The following SLC5A3 variants were observed in gnomAD, a reference collection of about 807,000 sequenced individuals.
The protein encoded by SLC5A3 is solute carrier family 5 member 3.
SLC5A3 carries 10 observed loss-of-function variants against 43.2 expected under a neutral mutation model. The ratio of observed to expected loss-of-function variants is 0.23; its 90% CI spans 0.14 to 0.39. SLC5A3 has a LOEUF of 0.39. Among genes scored for constraint, SLC5A3 ranks in the 10% least tolerant of loss-of-function variants. SLC5A3 has a pLI of 1.00. For synonymous variants in SLC5A3, 349 were observed against 322.0 expected, an observed-to-expected ratio of 1.08 and a Z score of -0.90; for missense variants, 608 against 893.4, an observed-to-expected ratio of 0.68 and a Z score of 4.07.
intron 1 of SLC5A3, among the ~76,000 whole-genome samples, chr21:34,084,701 G>A (rs949199089): frequency 3.3e-5 from 5 of 152,106 alleles, no homozygotes; most frequent in Admixed American, 2.0e-4. Flanking sequence ...CATACGTAAT[G>A]GTAAATACAG....
In SLC5A3 at chr21:34,103,221, C is replaced by T; in HGVS notation, c.*5866C>T. 5.0e-6 allele frequency: 5 copies of T among 999,240 alleles called. No homozygotes were observed. Among genetic ancestry groups the T allele is most frequent in the Non-Finnish European group, 6.0e-6 (5 of 829,786 alleles). The allele number at this position is 999,240 out of a possible 1,614,324, so 61.9% of individuals were successfully genotyped here. ...GTTTGGATTAGTGCCTTCTGGTTAC[C>T]AGTATTGACTCTGCTAGTTTGCACC... On this transcript the variant is annotated 3_prime_UTR_variant, in exon 2 of 2. Transcript: ENST00000381151.
chr21:34,075,893 A>T (rs559409895), intron 1 of SLC5A3, among the ~76,000 whole-genome samples: 1 of 152,238 alleles, frequency 6.6e-6, no homozygotes, highest in Non-Finnish European at 1.5e-5. Context: ...GAAATGAAAA[A>T]TGCGACTGTG....
Position 34,099,347 on chromosome 21 carries a change from T to C in SLC5A3, c.*1992T>C, listed in dbSNP as rs1181672886. The C allele has an allele frequency of 2.0e-6, 2 of 1,000,142 alleles. No individual in the cohort carries two copies. The highest frequency in any genetic ancestry group is 1.7e-5 in the African/African-American group (1 of 57,230). 62.0% of individuals were successfully genotyped at this position (1,000,142 alleles called of 1,614,324 possible). On this transcript the variant is annotated 3_prime_UTR_variant, in exon 2 of 2. Transcript: ENST00000381151. ...AACCAGGTCTCCAAATCTGGACTCATGGTTTGTTCAGATGTGTCTGGACAA... is the reference window on the plus strand; with the variant it reads ...AACCAGGTCTCCAAATCTGGACTCACGGTTTGTTCAGATGTGTCTGGACAA...
At position 34,102,340 on chromosome 21, in the gene SLC5A3, A is replaced by C. The variant is rs1979278066; in HGVS notation, c.*4985A>C. 7 of 999,384 alleles carry C rather than the reference A, an allele frequency of 7.0e-6. No homozygotes were observed. The highest frequency in any genetic ancestry group is 7.2e-6 in the Non-Finnish European group (6 of 829,332). 61.9% of individuals were successfully genotyped at this position (999,384 alleles called of 1,614,324 possible). A position where few individuals can be genotyped will look rare whatever the true frequency, so the allele number is the denominator to read the frequency against. ...GAATAAGGCTTTAAATTACTGATTC[A>C]CCTTTAAAGGAATGTTGTGAGAATT... On this transcript the variant is annotated 3_prime_UTR_variant, in exon 2 of 2. Coordinates refer to ENST00000381151, the MANE Select transcript of SLC5A3 (RefSeq NM_006933.7).
chr21:34,085,143 C>G (rs1175660222), intron 1 of SLC5A3, among the ~76,000 whole-genome samples: 1 of 152,170 alleles, frequency 6.6e-6, no homozygotes, highest in East Asian at 1.9e-4. Context: ...CATATATTTA[C>G]TTGTTTAGTC....
At chr21:34,082,545 C>CA (rs1291408264) in intron 1 of SLC5A3, among the ~76,000 whole-genome samples, 1 of 151,564 alleles carries the variant, frequency 6.6e-6, no homozygotes, top group East Asian at 1.9e-4. Flanking sequence ...TTTTTTTGCT[C>CA]AGAGTGTATC....
Position 34,096,946 on chromosome 21 carries a change from A to G in SLC5A3, c.1748A>G (p.Asn583Ser). 2.5e-6 allele frequency: 4 copies of G among 1,614,136 alleles called. No homozygotes were observed. Among genetic ancestry groups the G allele is most frequent in the Non-Finnish European group, 3.4e-6 (4 of 1,179,988 alleles). Reference sequence around the variant, plus strand: ...TGCAGTGAGAATAATGAGACCATCAACCACATCATTCCCAACGGGAAATCT... The same window carrying G: ...TGCAGTGAGAATAATGAGACCATCAGCCACATCATTCCCAACGGGAAATCT... The part of the protein sequence containing the change: ...LRCSENNETI[N>S]HIIPNGKSED... Residue 583 changes from asparagine (N) to serine (S), a missense_variant, in exon 2 of 2, where the codon AAC (asparagine) becomes AGC (serine). Physicochemically the swap from Asn to Ser is conservative, Grantham distance 46. Around this residue, in one of 2 missense-constraint regions of SLC5A3, gnomAD observed 210 missense variants for 224.8 expected, o/e 0.93. Transcript: ENST00000381151. The surrounding 1 kb of genome is among the most constrained non-coding windows in gnomAD (Gnocchi z 5.9).
chr21:34,077,456 T>C lies in SLC5A3; in HGVS notation c.-337+3711T>C, dbSNP rs144779371. ...TATGAAAGCCCTGGGATAATACTTT[T>C]CCTGAAATCTTCTCATTGGCGTTCA... On this transcript the variant is annotated intron_variant, in intron 1 of 1. Transcript: ENST00000381151. Among the ~76,000 whole-genome samples, 3 of 152,346 alleles carry C rather than the reference T, an allele frequency of 2.0e-5. No individual in the cohort carries two copies. In the East Asian group the frequency reaches 5.8e-4, roughly 29 times the overall value.
In SLC5A3 at chr21:34,104,024, G is replaced by GC. The variant is rs1365701070; in HGVS notation, c.*6676dup. The GC allele has an allele frequency of 1.2e-5, 12 of 999,616 alleles. No homozygotes were observed. The East Asian group carries it at 4.5e-4, about 38-fold the overall frequency. 61.9% of individuals were successfully genotyped at this position (999,616 alleles called of 1,614,324 possible). On this transcript the variant is annotated 3_prime_UTR_variant, in exon 2 of 2. Transcript: ENST00000381151. ...TTAGGAAATATTACCTCTTAACAGT[G>GC]CCCCCCCAAACATGCAGAAAGTCAT...
rs1979208918 is a variant in SLC5A3 at position 34,100,938 on chromosome 21, T to C, written c.*3583T>C. The C allele has an allele frequency of 3.0e-6, 3 of 1,000,176 alleles. No individual in the cohort carries two copies. The highest frequency in any genetic ancestry group is 3.6e-6 in the Non-Finnish European group (3 of 829,954). The allele number at this position is 1,000,176 out of a possible 1,614,324, so 62.0% of individuals were successfully genotyped here. A position where few individuals can be genotyped will look rare whatever the true frequency, so the allele number is the denominator to read the frequency against. On this transcript the variant is annotated 3_prime_UTR_variant, in exon 2 of 2. Transcript: ENST00000381151. ...GTTCCTGCTTGGCAGTGTTAAAGCT[T>C]ACAGGGTTAACTTATGATGATTCTC...
intron 1 of SLC5A3, among the ~76,000 whole-genome samples, chr21:34,089,173 G>A (rs1017200578): frequency 2.0e-5 from 3 of 147,050 alleles, no homozygotes; most frequent in Admixed American, 6.9e-5. Flanking sequence ...GATTACAGGC[G>A]TGTGCTACCA....
chr21:34,102,071 C>G lies in SLC5A3; in HGVS notation c.*4716C>G. On this transcript the variant is annotated 3_prime_UTR_variant, in exon 2 of 2. Transcript: ENST00000381151. ...TTGTGAAAAGGTAATCTTTCGATTG[C>G]TAGACTTGGTTAACTTAGGGCTGCA... is the stretch of plus-strand genomic sequence containing the variant. The G allele has an allele frequency of 1.0e-6, 1 of 999,844 alleles. No individual in the cohort carries two copies. The highest frequency in any genetic ancestry group is 1.2e-6 in the Non-Finnish European group (1 of 829,640). 61.9% of individuals were successfully genotyped at this position (999,844 alleles called of 1,614,324 possible).
chr21:34,105,917 A>G lies in SLC5A3; in HGVS notation c.*8562A>G. The G allele has an allele frequency of 1.2e-5, 12 of 988,230 alleles. No individual in the cohort carries two copies. Among genetic ancestry groups the G allele is most frequent in the Non-Finnish European group, 1.3e-5 (11 of 819,060 alleles). 61.2% of individuals were successfully genotyped at this position (988,230 alleles called of 1,614,324 possible). On this transcript the variant is annotated 3_prime_UTR_variant, in exon 2 of 2. Coordinates refer to ENST00000381151, the MANE Select transcript of SLC5A3 (RefSeq NM_006933.7). Reference sequence around the variant, plus strand: ...ATGACAATTCTAACTTGTCTATTCTAACCTATTGTGTACAATCTGATTTTT... The same window carrying G: ...ATGACAATTCTAACTTGTCTATTCTGACCTATTGTGTACAATCTGATTTTT...
chr21:34,087,324 T>C (rs1978441069), intron 1 of SLC5A3, among the ~76,000 whole-genome samples: 1 of 152,080 alleles, frequency 6.6e-6, no homozygotes, highest in Admixed American at 6.5e-5. Context: ...TTGATGGTAA[T>C]ATAGGATATT....
At chr21:34,082,361 G>T (rs977976352) in intron 1 of SLC5A3, among the ~76,000 whole-genome samples, 10 of 152,140 alleles carry the variant, frequency 6.6e-5, no homozygotes, top group African/African-American at 2.2e-4. Context: ...CTTCAGAGCT[G>T]CACCGTGTAA....
chr21:34,092,466 A>G (rs1978750058), intron 1 of SLC5A3, among the ~76,000 whole-genome samples: 1 of 152,198 alleles, frequency 6.6e-6, no homozygotes, highest in Admixed American at 6.5e-5. Flanking sequence ...TTGAGAATTC[A>G]GCCTTGAGCT....
At chr21:34,090,292 C>T (rs1330059960) in intron 1 of SLC5A3, among the ~76,000 whole-genome samples, 1 of 152,200 alleles carries the variant, frequency 6.6e-6, no homozygotes, top group Non-Finnish European at 1.5e-5. Flanking sequence ...GAGGACAGTC[C>T]TATGTGAGTA....
intron 1 of SLC5A3, among the ~76,000 whole-genome samples, chr21:34,091,873 T>A (rs919104397): frequency 1.3e-5 from 2 of 152,110 alleles, no homozygotes; most frequent in African/African-American, 4.8e-5. Context: ...AAGAAAAAAA[T>A]GGACTACCAA....
chr21:34,078,745 A>G (rs540232799), intron 1 of SLC5A3, among the ~76,000 whole-genome samples: 1 of 152,362 alleles, frequency 6.6e-6, no homozygotes, highest in Admixed American at 6.5e-5. Flanking sequence ...GGGGTTTAAC[A>G]TGAAGGTGGA....
Sources: allele counts gnomAD v4.1 joint callset (sites outside exome capture counted in the v4.1 genomes callset), GRCh38; gene constraint gnomAD v4.1.1; regional missense constraint gnomAD v4.1.1; non-coding constraint Gnocchi (gnomAD v3.1); transcripts MANE v1.5; gene names NCBI Gene and HGNC (gene_info 2026-07-23, HGNC 2026-07-21).